The following KIAA1614 variants were observed in gnomAD, a reference collection of about 807,000 sequenced individuals.
KIAA1614 encodes KIAA1614.
In KIAA1614, 76 loss-of-function variants were observed where a neutral mutation model predicts 88.7. The ratio of observed to expected loss-of-function variants is 0.86; its 90% CI spans 0.71 to 1.04. The LOEUF is 1.04. Among genes scored for constraint, KIAA1614 ranks in the 50% least tolerant of loss-of-function variants. The pLI is 0.00. For synonymous variants in KIAA1614, 714 were observed against 675.5 expected (o/e 1.06, Z -0.88); for missense variants, 1,553 against 1,582.5 (o/e 0.98, Z 0.32).
In KIAA1614 at chr1:180,936,348, G is replaced by T. The variant is rs746030777; in HGVS notation, c.2439G>T (p.Ser813=). ...PEGWAPTPPP[S]RKTTSPVSHR... ...GCTGGGCGCCAACCCCTCCCCCTTCGAGGAAAACCACCTCGCCAGTGTCTC... is the reference window on the plus strand; with the variant it reads ...GCTGGGCGCCAACCCCTCCCCCTTCTAGGAAAACCACCTCGCCAGTGTCTC... Residue 813 remains serine, a synonymous_variant, in exon 5 of 9, where the codon TCG becomes TCT. Coordinates refer to ENST00000367588, the MANE Select transcript of KIAA1614 (RefSeq NM_020950.2). 1.2e-6 allele frequency: 2 copies of T among 1,614,128 alleles called. No homozygotes were observed. Among genetic ancestry groups the T allele is most frequent in the African/African-American group, 1.3e-5 (1 of 75,046 alleles).
At chr1:180,914,121 A>G (rs564636341) in intron 1 of KIAA1614, 1 of 150,344 alleles carries the variant, frequency 6.7e-6, no homozygotes, top group South Asian at 2.2e-4. Context: ...TGTAGTGTAT[A>G]CACATAAGGA....
chr1:180,946,606 G>T lies in KIAA1614; in HGVS notation c.*1018G>T. On this transcript the variant is annotated 3_prime_UTR_variant, in exon 9 of 9. Coordinates refer to ENST00000367588, the MANE Select transcript of KIAA1614 (RefSeq NM_020950.2). ...AGGGTGGGGAAGGAGGGGAGGGGAA[G>T]GAAGGAGAGAGAAAGGGAGAGACAG... 6.5e-6 allele frequency: 1 copy of T among 152,674 alleles called. No individual in the cohort carries two copies. 9.5% of individuals were successfully genotyped at this position (152,674 alleles called of 1,614,324 possible).
In KIAA1614 at chr1:180,928,429, G is replaced by A; in HGVS notation, c.1062-1G>A. ...ACCCTGGCCTGTGTGCCACGCTGCA[G>A]GACCGTTGGTCCCAACCCGGAGCCT... On this transcript the variant is annotated splice_acceptor_variant, in intron 3 of 8. Transcript: ENST00000367588. LOFTEE classifies it high-confidence loss of function. 6.2e-7 allele frequency: 1 copy of A among 1,610,848 alleles called. No individual in the cohort carries two copies. The highest frequency in any genetic ancestry group is 1.1e-5 in the South Asian group (1 of 90,712).
Position 180,916,238 on chromosome 1 carries a change from T to A in KIAA1614, c.135T>A (p.Asp45Glu). ...GGAGTGGTCCTGAGCCACAGCTGGATAACGGACACCCCCCAAGACCCTGGC... is the reference window on the plus strand; with the variant it reads ...GGAGTGGTCCTGAGCCACAGCTGGAAAACGGACACCCCCCAAGACCCTGGC... ...VEWSGPEPQL[D>E]NGHPPRPWPC... The change falls in exon 2 of 9, where the codon GAT (aspartate) becomes GAA (glutamate). Residue 45 changes from aspartate (D) to glutamate (E), a missense_variant. By Grantham distance (45) the Asp-to-Glu change is conservative. Transcript: ENST00000367588. 6.2e-7 allele frequency: 1 copy of A among 1,613,342 alleles called. No homozygotes were observed. Among genetic ancestry groups the A allele is most frequent in the African/African-American group, 1.3e-5 (1 of 74,994 alleles).
At chr1:180,924,675 A>G (rs73049917) in intron 3 of KIAA1614, among the ~76,000 whole-genome samples, 3,352 of 152,108 alleles carry the variant, frequency 0.022, 116 homozygotes, top group African/African-American at 0.075. Flanking sequence ...CACCTTTTCT[A>G]TGGAGCCCTG....
At position 180,950,318 on chromosome 1, in the gene KIAA1614, A is replaced by T; in HGVS notation, c.*4730A>T. ...TCTTCGATTTGGGTGTCATTGTGAA[A>T]TTCTCCTGTTTTCCTCTGCAGGGAT... On this transcript the variant is annotated 3_prime_UTR_variant, in exon 9 of 9. Coordinates refer to ENST00000367588, the MANE Select transcript of KIAA1614 (RefSeq NM_020950.2). 2.2e-5 allele frequency: 25 copies of T among 1,162,278 alleles called. No homozygotes were observed. Among genetic ancestry groups the T allele is most frequent in the Non-Finnish European group, 2.4e-5 (22 of 924,440 alleles). 72.0% of individuals were successfully genotyped at this position (1,162,278 alleles called of 1,614,324 possible). A position where few individuals can be genotyped will look rare whatever the true frequency, so the allele number is the denominator to read the frequency against.
intron 3 of KIAA1614, among the ~76,000 whole-genome samples, chr1:180,919,503 GC>G (rs1653901262): frequency 2.0e-5 from 3 of 152,138 alleles, no homozygotes; most frequent in African/African-American, 7.2e-5. Flanking sequence ...TCTGTGCGGA[GC>G]CCTGGAGGAG....
chr1:180,934,976 C>G, intron 4 of KIAA1614, 139 bp from the exon 5 acceptor site: 1 of 552,218 alleles, frequency 1.8e-6, no homozygotes, highest in Non-Finnish European at 2.8e-6. Flanking sequence ...GAAATCCTCT[C>G]TGGAGTAACC....
Position 180,928,644 on chromosome 1 carries a change from G to A in KIAA1614, c.1205+71G>A, listed in dbSNP as rs979253718. 18 of 1,503,546 alleles carry A rather than the reference G, an allele frequency of 1.2e-5. 1 individual carries two copies. Among genetic ancestry groups the A allele is most frequent in the Admixed American group, 1.2e-4 (6 of 50,474 alleles). 93.1% of individuals were successfully genotyped at this position (1,503,546 alleles called of 1,614,324 possible). A position where few individuals can be genotyped will look rare whatever the true frequency, so the allele number is the denominator to read the frequency against. On this transcript the variant is annotated intron_variant, in intron 4 of 8. Coordinates refer to ENST00000367588, the MANE Select transcript of KIAA1614 (RefSeq NM_020950.2). ...GAAGAGTCAGCAGTGGGAAGAAGTG[G>A]GATCTAGCCAAATGCTGCTGCTGCT...
chr1:180,920,863 A>AG (rs1223054145), intron 3 of KIAA1614, among the ~76,000 whole-genome samples: 1 of 152,122 alleles, frequency 6.6e-6, no homozygotes, highest in East Asian at 1.9e-4. Flanking sequence ...CCACTTAATG[A>AG]GGGGCAAGAG....
chr1:180,928,621 A>C, intron 4 of KIAA1614, 48 bp downstream of exon 4: 1 of 1,583,114 alleles, frequency 6.3e-7, no homozygotes, highest in Non-Finnish European at 8.6e-7. Flanking sequence ...ATAGCAGGGA[A>C]GAGTCAGCAG....
intron 1 of KIAA1614, among the ~76,000 whole-genome samples, chr1:180,914,995 G>T (rs566967906): frequency 1.8e-4 from 27 of 151,260 alleles, no homozygotes; most frequent in Non-Finnish European, 3.7e-4. Context: ...TGGAGGAGGG[G>T]GTTTCACCAT....
chr1:180,935,544 C>G lies in KIAA1614; in HGVS notation c.1635C>G (p.Asp545Glu), dbSNP rs772771654. 1.9e-6 allele frequency: 3 copies of G among 1,584,652 alleles called. No individual in the cohort carries two copies. The South Asian group carries it at 3.4e-5, about 18-fold the overall frequency. ...AGGCCTGCGGCAGCTGCATCGACGA[C>G]CCGCGCCCCGCCCAGGGGAAGGCGC... ...RCQACGSCIDDPRPAQGKAPP... is the reference protein window; with the variant it reads ...RCQACGSCIDEPRPAQGKAPP... Residue 545 changes from aspartate to glutamate, a missense_variant, in exon 5 of 9, where the codon GAC (aspartate) becomes GAG (glutamate). Coordinates refer to ENST00000367588, the MANE Select transcript of KIAA1614 (RefSeq NM_020950.2). The surrounding 1 kb of genome is among the most constrained non-coding windows in gnomAD (Gnocchi z 6.1).
In KIAA1614 at chr1:180,935,759, A is replaced by G; in HGVS notation, c.1850A>G (p.Asn617Ser). Residue 617 changes from asparagine (N) to serine (S), a missense_variant, in exon 5 of 9, where the codon AAC becomes AGC. Physicochemically the swap from Asn to Ser is conservative, Grantham distance 46. Coordinates refer to ENST00000367588, the MANE Select transcript of KIAA1614 (RefSeq NM_020950.2). This position sits in a 1 kb window ranked among gnomAD's most constrained non-coding sequence, Gnocchi z 6.1. ...EVDSALDSTD[N>S]SDNCRTDSEE... ...GACTCTGCCCTGGACAGCACAGACA[A>G]CTCTGACAACTGCAGGACCGACAGT... 3 of 1,613,742 alleles carry G rather than the reference A, an allele frequency of 1.9e-6. No homozygotes were observed. In the South Asian group the frequency reaches 3.3e-5, roughly 18 times the overall value.
chr1:180,935,981 A>G lies in KIAA1614; in HGVS notation c.2072A>G (p.Glu691Gly), dbSNP rs1309577933. Residue 691 changes from glutamate to glycine, a missense_variant, in exon 5 of 9, where the codon GAG becomes GGG. By Grantham distance (98) the Glu-to-Gly change is moderately conservative. Coordinates refer to ENST00000367588, the MANE Select transcript of KIAA1614 (RefSeq NM_020950.2). This position sits in a 1 kb window ranked among gnomAD's most constrained non-coding sequence, Gnocchi z 6.1. ...DDVEVENEVK[E>G]GRGHTPEGTL... ...GTGGAGGTGGAAAATGAGGTGAAAG[A>G]GGGCAGAGGACACACGCCTGAAGGA... 6.2e-7 allele frequency: 1 copy of G among 1,613,948 alleles called. No homozygotes were observed. Among genetic ancestry groups the G allele is most frequent in the Non-Finnish European group, 8.5e-7 (1 of 1,179,930 alleles).
At chr1:180,923,645 A>G (rs1209491116) in intron 3 of KIAA1614, among the ~76,000 whole-genome samples, 3 of 152,164 alleles carry the variant, frequency 2.0e-5, no homozygotes, top group Admixed American at 1.3e-4. Flanking sequence ...TCCGGGCCCC[A>G]GTGCCTGCAA....
chr1:180,945,196 T>C (rs757468441), intron 8 of KIAA1614, 107 bp from the exon 9 acceptor site: 10 of 1,308,662 alleles, frequency 7.6e-6, no homozygotes, highest in Non-Finnish European at 9.1e-6. Flanking sequence ...CAGCCTCCAA[T>C]GCCAGGCTCT....
At chr1:180,944,290 C>T (rs1318189888) in intron 7 of KIAA1614, 99 bp from the exon 8 acceptor site, 1 of 1,253,716 alleles carries the variant, frequency 8.0e-7, no homozygotes, top group Admixed American at 1.9e-5. Flanking sequence ...TGTGCTGTCA[C>T]TTTCTTACAG....
chr1:180,945,151 C>T (rs1317599804), intron 8 of KIAA1614, 152 bp from the exon 9 acceptor site: 2 of 922,230 alleles, frequency 2.2e-6, no homozygotes, highest in Non-Finnish European at 3.1e-6. Context: ...TTGGCCCTAG[C>T]AGGCTCTTTT....
Sources: allele counts gnomAD v4.1 joint callset (sites outside exome capture counted in the v4.1 genomes callset), GRCh38; gene constraint gnomAD v4.1.1; non-coding constraint Gnocchi (gnomAD v3.1); transcripts MANE v1.5; gene names NCBI Gene and HGNC (gene_info 2026-07-23, HGNC 2026-07-21).